The following HNRNPH1 variants were observed in gnomAD, a reference collection of about 807,000 sequenced individuals.
HNRNPH1 encodes the protein heterogeneous nuclear ribonucleoprotein H.
Under a neutral mutation model 58.6 loss-of-function variants are expected in HNRNPH1, and 4 were observed. The ratio of observed to expected loss-of-function variants is 0.07; its 90% CI spans 0.03 to 0.16. The LOEUF (loss-of-function observed/expected upper bound fraction) is 0.16, where lower values mean the gene tolerates loss of function less well. Among genes scored for constraint, HNRNPH1 ranks in the 10% least tolerant of loss-of-function variants. The pLI, the probability that HNRNPH1 is intolerant of heterozygous loss-of-function variation, is 1.00. For synonymous variants in HNRNPH1, 192 were observed against 189.2 expected, an observed-to-expected ratio of 1.01 and a Z score of -0.12; for missense variants, 271 against 564.2, an observed-to-expected ratio of 0.48 and a Z score of 5.26.
At chr5:179,617,852 A>G (rs201483427) in exon 7 of HNRNPH1, 1 of 1,613,680 alleles carries the variant, frequency 6.2e-7, no homozygotes, top group Non-Finnish European at 8.5e-7. Flanking sequence ...ATGTGTACAC[A>G]GTGTCCTGTT....
intron 11 of HNRNPH1, 54 bp from the exon 13 acceptor site, chr5:179,615,649 G>T: frequency 4.5e-6 from 4 of 892,222 alleles, no homozygotes; most frequent in South Asian, 3.1e-5. Context: ...CCATTCTTTA[G>T]ACCAATTGAA....
intron 1 of HNRNPH1, 105 bp downstream of exon 2, chr5:179,622,932 G>A (rs1423433693): frequency 9.5e-6 from 1 of 105,374 alleles, no homozygotes. Flanking sequence ...CACCCGGCCC[G>A]GCCCGGCCCG....
chr5:179,622,598 A>C (rs905317170), intron 1 of HNRNPH1, among the ~76,000 whole-genome samples: 4 of 152,132 alleles, frequency 2.6e-5, no homozygotes, highest in Admixed American at 2.6e-4. Context: ...CTAGTCCCAG[A>C]CACTCGGGAG....
At chr5:179,619,472 T>G in intron 3 of HNRNPH1, 65 bp from the exon 5 acceptor site, 1 of 1,477,186 alleles carries the variant, frequency 6.8e-7, no homozygotes. Flanking sequence ...CCAGAAATGA[T>G]TCTTCTTATA....
At chr5:179,631,577 C>T (rs1244546052) in intron 2 of HNRNPH1, among the ~76,000 whole-genome samples, 1 of 152,136 alleles carries the variant, frequency 6.6e-6, no homozygotes, top group Non-Finnish European at 1.5e-5. Flanking sequence ...GAAACCCCGC[C>T]TCTATTAAAA....
At chr5:179,628,698 G>C (rs1029560170), upstream of HNRNPH1, among the ~76,000 whole-genome samples, 2 of 152,114 alleles carry the variant, frequency 1.3e-5, no homozygotes, top group Non-Finnish European at 2.9e-5. Context: ...CTAGCTCTCT[G>C]GGAGGCCATG....
At chr5:179,630,826 G>C (rs952976384) in intron 2 of HNRNPH1, among the ~76,000 whole-genome samples, 3 of 151,424 alleles carry the variant, frequency 2.0e-5, no homozygotes, top group African/African-American at 7.3e-5. Context: ...CAGGAGAATG[G>C]CGTGAACCCG....
exon 13 of HNRNPH1, chr5:179,614,316 G>C (rs968351311): frequency 2.0e-5 from 3 of 151,292 alleles, no homozygotes; most frequent in Non-Finnish European, 4.4e-5. Flanking sequence ...CCTAAGTATT[G>C]GTATTGCGTC....
rs752554745 is a variant in HNRNPH1, at chr5:179,632,753, C to CTTTT, written c.-32+1308_-32+1311dup. Among the ~76,000 whole-genome samples, 471 of 91,990 alleles carry CTTTT rather than the reference C, an allele frequency of 5.1e-3. 43 individuals are homozygous for CTTTT. Among genetic ancestry groups the CTTTT allele is most frequent in the African/African-American group, 0.019 (453 of 24,408 alleles). The allele number at this position is 91,990 out of a possible 152,430, so 60.3% of individuals were successfully genotyped here. On this transcript the variant is annotated intron_variant, in intron 2 of 4. Coordinates refer to the HNRNPH1 transcript ENST00000521116. Reference sequence around the variant, plus strand: ...CACTGTCTAAAGCCAAATCAAATATCTTTTTTTTTTTTTTTTTTTTTGAGA... The same window carrying CTTTT: ...CACTGTCTAAAGCCAAATCAAATATCTTTTTTTTTTTTTTTTTTTTTTTTTGAGA...
At chr5:179,618,194 A>G in exon 5 of HNRNPH1, 2 of 1,614,160 alleles carry the variant, frequency 1.2e-6, no homozygotes, top group Non-Finnish European at 1.7e-6. Flanking sequence ...CTCCTCTGCC[A>G]ATGCTGTTAT....
chr5:179,625,955 A>ATTTTTTTTTTT (rs1010509687), upstream of HNRNPH1, among the ~76,000 whole-genome samples: 1 of 149,760 alleles, frequency 6.7e-6, no homozygotes, highest in African/African-American at 2.5e-5. Flanking sequence ...TTATTTATTT[A>ATTTTTTTTTTT]TTTATTTATT....
chr5:179,623,353 C>A, exon 1 of HNRNPH1: 1 of 378,332 alleles, frequency 2.6e-6, no homozygotes. Context: ...CTGTCGGCGC[C>A]CCGAACCGTG....
chr5:179,614,990 G>T, intron 12 of HNRNPH1, 31 bp from the exon 14 acceptor site: 1 of 1,247,206 alleles, frequency 8.0e-7, no homozygotes, highest in Non-Finnish European at 1.1e-6. Flanking sequence ...CAAGTTAGGA[G>T]TAATATCAGA....
intron 2 of HNRNPH1, among the ~76,000 whole-genome samples, chr5:179,633,514 G>A (rs1176288205): frequency 4.7e-5 from 6 of 128,994 alleles, no homozygotes; most frequent in African/African-American, 1.5e-4. Context: ...GGGTTTCACC[G>A]TGTCAGCCGG....
At chr5:179,622,964 CCCA>C in intron 1 of HNRNPH1, 70 bp downstream of exon 2, 2 of 189,714 alleles carry the variant, frequency 1.1e-5, no homozygotes, top group African/African-American at 4.9e-5. Context: ...CCCGCCCCGC[CCCA>C]GCCCGGCCGC....
At chr5:179,615,318 T>C in intron 12 of HNRNPH1, 1 of 474,694 alleles carries the variant, frequency 2.1e-6, no homozygotes. Flanking sequence ...ATTCACAATG[T>C]GTCCCTCGAA....
chr5:179,616,541 C>T (rs1225732400), intron 10 of HNRNPH1: 9 of 513,396 alleles, frequency 1.8e-5, no homozygotes, highest in Non-Finnish European at 3.1e-5. Flanking sequence ...TTTGATACAT[C>T]AAAGGCATGT....
At chr5:179,632,247 G>A (rs2127743091) in intron 2 of HNRNPH1, among the ~76,000 whole-genome samples, 1 of 151,890 alleles carries the variant, frequency 6.6e-6, no homozygotes, top group South Asian at 2.1e-4. Flanking sequence ...GGCGGAGCTT[G>A]CAGTGAGCCA....
At chr5:179,624,509 C>A in exon 1 of HNRNPH1, 1 of 398,768 alleles carries the variant, frequency 2.5e-6, no homozygotes, top group South Asian at 1.3e-4. Flanking sequence ...GGGTGCGCGC[C>A]GGCCTCTGCG....
Sources: gnomAD v4.1 joint callset for allele counts (sites outside exome capture counted in the v4.1 genomes callset) on GRCh38, gnomAD v4.1.1 for gene constraint, MANE v1.5 for transcripts, NCBI Gene and HGNC (gene_info 2026-07-23, HGNC 2026-07-21) for gene names.